CDK6: variants seen among roughly 807,000 people sequenced by gnomAD.
CDK6 encodes the protein cyclin-dependent kinase 6.
CDK6 carries 6 observed loss-of-function variants against 37.1 expected under a neutral mutation model. The ratio of observed to expected loss-of-function variants is 0.16; its 90% confidence interval spans 0.09 to 0.32. The LOEUF is 0.32. Ranked by LOEUF, CDK6 falls within the 10% of genes least tolerant of loss-of-function variation. CDK6 has a pLI of 1.00. For synonymous variants in CDK6, 160 were observed against 161.3 expected, an observed-to-expected ratio of 0.99 and a Z score of 0.06; for missense variants, 224 against 418.9, an observed-to-expected ratio of 0.53 and a Z score of 4.06.
At chr7:92,751,463 T>C (rs371683918) in intron 3 of CDK6, among the ~76,000 whole-genome samples, 40 of 152,228 alleles carry the variant, frequency 2.6e-4, no homozygotes, top group African/African-American at 9.1e-4. Flanking sequence ...GAGAAGATAA[T>C]TTAACTGGAG....
intron 2 of CDK6, among the ~76,000 whole-genome samples, chr7:92,821,616 C>T (rs1247799360): frequency 6.6e-6 from 1 of 151,950 alleles, no homozygotes; most frequent in East Asian, 1.9e-4. Flanking sequence ...CTGGGAACAC[C>T]ACAATTTTTT....
intron 3 of CDK6, among the ~76,000 whole-genome samples, chr7:92,746,425 C>T (rs1239174099): frequency 1.3e-5 from 2 of 152,168 alleles, no homozygotes; most frequent in African/African-American, 4.8e-5. Context: ...AACATGATGT[C>T]ACAAGTGGAA....
intron 5 of CDK6, among the ~76,000 whole-genome samples, chr7:92,652,617 T>C (rs1260419744): frequency 6.6e-6 from 1 of 152,188 alleles, no homozygotes; most frequent in Admixed American, 6.5e-5. Flanking sequence ...ATGAAATTAT[T>C]TGCTTTTAAA....
intron 2 of CDK6, among the ~76,000 whole-genome samples, chr7:92,784,218 C>T (rs1800067153): frequency 6.6e-6 from 1 of 152,172 alleles, no homozygotes; most frequent in South Asian, 2.1e-4. Context: ...CCATGTGGAT[C>T]ATTATCTCCC....
intron 5 of CDK6, among the ~76,000 whole-genome samples, chr7:92,627,202 CACAA>C (rs1442394816): frequency 2.0e-5 from 3 of 152,042 alleles, no homozygotes; most frequent in Non-Finnish European, 2.9e-5. Flanking sequence ...AGAAGCCAGT[CACAA>C]ACAACCACAC....
chr7:92,718,601 C>T (rs750109696), intron 4 of CDK6, among the ~76,000 whole-genome samples: 1 of 152,184 alleles, frequency 6.6e-6, no homozygotes, highest in Non-Finnish European at 1.5e-5. Context: ...AACACACACA[C>T]ACACCCCAAG....
chr7:92,679,689 A>G lies in CDK6; in HGVS notation c.538-8154T>C, dbSNP rs1797287613. Among the ~76,000 whole-genome samples, 2 of 152,120 alleles carry G rather than the reference A, an allele frequency of 1.3e-5. 1 individual carries two copies. The highest frequency in any genetic ancestry group is 4.1e-4 in the South Asian group (2 of 4,824). ...TGAAGTGAAAATCAAAACTAGTGAT[A>G]ATTTCACTGACTTTTCACAGAGGTG... On this transcript the variant is annotated intron_variant, in intron 4 of 7. Transcript: ENST00000424848.
chr7:92,678,450 T>G (rs548384208), intron 4 of CDK6, among the ~76,000 whole-genome samples: 1 of 152,212 alleles, frequency 6.6e-6, no homozygotes, highest in Non-Finnish European at 1.5e-5. Context: ...AGGGGGGAGT[T>G]CAAGGATATT....
At chr7:92,755,711 T>C (rs1296633317) in intron 3 of CDK6, among the ~76,000 whole-genome samples, 1 of 152,178 alleles carries the variant, frequency 6.6e-6, no homozygotes, top group Non-Finnish European at 1.5e-5. Context: ...AAAGTATTCC[T>C]CTTCCAAAGC....
chr7:92,692,227 T>C (rs1171384510), intron 4 of CDK6, among the ~76,000 whole-genome samples: 1 of 151,654 alleles, frequency 6.6e-6, no homozygotes, highest in African/African-American at 2.4e-5. Context: ...GATCACACCA[T>C]TGCACTCCAG....
chr7:92,833,414 T>G lies in CDK6; in HGVS notation c.-91A>C, dbSNP rs1584133119. On this transcript the variant is annotated 5_prime_UTR_variant, in exon 2 of 8. Transcript: ENST00000424848. The surrounding 1 kb of genome is among the most constrained non-coding windows in gnomAD (Gnocchi z 6.1). ...GGCCGCCGCTCGCCTACTCCGGGGCTCCCCGGAGATCGGTCTAGCTTTACT... is the reference window on the plus strand; with the variant it reads ...GGCCGCCGCTCGCCTACTCCGGGGCGCCCCGGAGATCGGTCTAGCTTTACT... 3.5e-6 allele frequency: 3 copies of G among 853,588 alleles called. No homozygotes were observed. Among genetic ancestry groups the G allele is most frequent in the Non-Finnish European group, 5.3e-6 (3 of 568,758 alleles). 52.9% of individuals were successfully genotyped at this position (853,588 alleles called of 1,614,324 possible). A position where few individuals can be genotyped will look rare whatever the true frequency, so the allele number is the denominator to read the frequency against.
intron 4 of CDK6, among the ~76,000 whole-genome samples, chr7:92,709,305 G>A (rs1169998029): frequency 2.0e-5 from 3 of 151,938 alleles, no homozygotes; most frequent in Non-Finnish European, 2.9e-5. Context: ...CTGCTTTGCC[G>A]TTGTGTGTGT....
At chr7:92,694,477 T>C (rs1797664925) in intron 4 of CDK6, among the ~76,000 whole-genome samples, 1 of 152,144 alleles carries the variant, frequency 6.6e-6, no homozygotes, top group South Asian at 2.1e-4. Flanking sequence ...AGAGGAAAAC[T>C]GAAAGAACAT....
chr7:92,761,697 T>C (rs1281062450), intron 3 of CDK6, among the ~76,000 whole-genome samples: 1 of 152,188 alleles, frequency 6.6e-6, no homozygotes, highest in East Asian at 1.9e-4. Flanking sequence ...ACATGAACCA[T>C]ATGTTAATTA....
Position 92,670,905 on chromosome 7 carries a change from T to C in CDK6, c.647+521A>G, listed in dbSNP as rs528097613. Among the ~76,000 whole-genome samples the C allele has an allele frequency of 7.2e-5, 11 of 152,360 alleles. No homozygotes were observed. In the South Asian group the frequency reaches 2.3e-3, roughly 32 times the overall value. On this transcript the variant is annotated intron_variant, in intron 5 of 7. Transcript: ENST00000424848. ...TTGGTCTTGTTTCTGTCCTCTATAG[T>C]ACCTGAATATATCTAATCTCTCCTG... is the stretch of plus-strand genomic sequence containing the variant.
At chr7:92,717,199 TG>T (rs565634789) in intron 4 of CDK6, among the ~76,000 whole-genome samples, 20 of 150,620 alleles carry the variant, frequency 1.3e-4, no homozygotes, top group Non-Finnish European at 2.8e-4. Context: ...AGAACGTAGC[TG>T]GGCGTGGTGG....
At chr7:92,689,817 AT>A (rs1326764184) in intron 4 of CDK6, among the ~76,000 whole-genome samples, 1 of 152,106 alleles carries the variant, frequency 6.6e-6, no homozygotes, top group Middle Eastern at 3.2e-3. Context: ...CTTTTTAATA[AT>A]AGCAATCTGA....
intron 3 of CDK6, among the ~76,000 whole-genome samples, chr7:92,759,210 C>T (rs1199235580): frequency 6.6e-6 from 1 of 152,154 alleles, no homozygotes; most frequent in East Asian, 1.9e-4. Flanking sequence ...TCTGTTATGG[C>T]TTTCCTGTGG....
intron 3 of CDK6, among the ~76,000 whole-genome samples, chr7:92,733,548 CATGTAGATCTATTGGCA>C (rs1239334842): frequency 7.9e-5 from 12 of 152,098 alleles, no homozygotes; most frequent in African/African-American, 2.2e-4. Context: ...AACTCATTTG[CATGTAGATCTATTGGCA>C]ATGTAGATCT....
Sources: allele counts gnomAD v4.1 joint callset (sites outside exome capture counted in the v4.1 genomes callset), GRCh38; gene constraint gnomAD v4.1.1; non-coding constraint Gnocchi (gnomAD v3.1); transcripts MANE v1.5; gene names NCBI Gene and HGNC (gene_info 2026-07-23, HGNC 2026-07-21).